Variants in RSPH3 observed in about 807,000 individuals in gnomAD.
RSPH3 encodes radial spoke head protein 3 homolog.
A neutral mutation model predicts 43.8 loss-of-function variants in RSPH3; 21 were observed. The observed-to-expected ratio is 0.48, with a 90% CI of 0.34 to 0.69. RSPH3 has a LOEUF of 0.69. Ranked by LOEUF, RSPH3 falls within the 30% of genes least tolerant of loss-of-function variation. RSPH3 has a pLI of 0.01. For missense variants in RSPH3, 487 were observed against 516.0 expected (o/e 0.94, Z 0.54); for synonymous variants, 173 against 179.8 (o/e 0.96, Z 0.30).
downstream of RSPH3, among the ~76,000 whole-genome samples, chr6:158,968,891 A>G (rs1562553286): frequency 6.6e-6 from 1 of 151,888 alleles, no homozygotes; most frequent in Non-Finnish European, 1.5e-5. Flanking sequence ...TTTGTACTTT[A>G]GTAGAGACAG....
chr6:158,970,221 T>A (rs902063593), downstream of RSPH3, among the ~76,000 whole-genome samples: 1 of 152,180 alleles, frequency 6.6e-6, no homozygotes, highest in African/African-American at 2.4e-5. Context: ...TCTGGAAAAA[T>A]TTTGTAAAAT....
chr6:158,994,587 G>A (rs1465582098), intron 1 of RSPH3, among the ~76,000 whole-genome samples: 1 of 152,116 alleles, frequency 6.6e-6, no homozygotes, highest in Non-Finnish European at 1.5e-5. Context: ...GGAGGCAGAG[G>A]TTGCTGTGAG....
intron 5 of RSPH3, 52 bp from the exon 6 acceptor site, chr6:158,980,988 C>A: frequency 6.4e-7 from 1 of 1,573,848 alleles, no homozygotes; most frequent in Non-Finnish European, 8.7e-7. Context: ...TCCCCAAGTG[C>A]TGAATCTAGT....
intron 4 of RSPH3, 116 bp from the exon 5 acceptor site, chr6:158,982,804 G>A (rs754977550): frequency 7.3e-6 from 5 of 686,380 alleles, no homozygotes; most frequent in Non-Finnish European, 1.2e-5. Context: ...CTGTGTGCCA[G>A]ACACTGTGCT....
downstream of RSPH3, among the ~76,000 whole-genome samples, chr6:158,972,120 A>G (rs930092935): frequency 6.6e-6 from 1 of 152,314 alleles, no homozygotes; most frequent in Non-Finnish European, 1.5e-5. Context: ...ATTATGACCA[A>G]TAAGCAAAGG....
intron 3 of RSPH3, 118 bp from the exon 4 acceptor site, chr6:158,983,925 G>C: frequency 1.5e-6 from 1 of 682,294 alleles, no homozygotes; most frequent in Non-Finnish European, 2.5e-6. Context: ...CTTGAAGCCA[G>C]GAGTTTGAGA....
chr6:158,990,587 G>C (rs1276525342), intron 2 of RSPH3: 1 of 152,024 alleles, frequency 6.6e-6, no homozygotes, highest in Non-Finnish European at 1.5e-5. Context: ...GAAATCCACT[G>C]CCATTTAAAT....
At chr6:158,965,927 C>T in the RSPH3 span, among the ~76,000 whole-genome samples, 1 of 152,062 alleles carries the variant, frequency 6.6e-6, no homozygotes, top group Non-Finnish European at 1.5e-5. Context: ...AAGTTTCTGT[C>T]TGTTCCTAAT....
At chr6:158,963,796 T>C in the RSPH3 span, among the ~76,000 whole-genome samples, 4 of 152,030 alleles carry the variant, frequency 2.6e-5, no homozygotes, top group Admixed American at 6.6e-5. Flanking sequence ...CTCACTCTGT[T>C]GTCCAGGCTG....
In RSPH3 at chr6:158,974,990, G is replaced by A. The variant is rs12664939; in HGVS notation, c.*2548C>T. On this transcript the variant is annotated 3_prime_UTR_variant, in exon 8 of 8. Transcript: ENST00000367069. ...TGAGTAGCTGGGACTACAGGTGCCCGCCACCACGCCTGACTAATTTTTGTA... is the reference window on the plus strand; with the variant it reads ...TGAGTAGCTGGGACTACAGGTGCCCACCACCACGCCTGACTAATTTTTGTA... 17,371 of 152,042 alleles carry A rather than the reference G, an allele frequency of 0.11. 1,721 individuals carry two copies. Among genetic ancestry groups the A allele is most frequent in the East Asian group, 0.41 (2,128 of 5,144 alleles). The allele number at this position is 152,042 out of a possible 1,614,324, so 9.4% of individuals were successfully genotyped here. A position where few individuals can be genotyped will look rare whatever the true frequency, so the allele number is the denominator to read the frequency against.
rs1778244443 is a variant in RSPH3, at chr6:158,986,544, C to CA, written c.205-124dup. 3 of 719,200 alleles carry CA rather than the reference C, an allele frequency of 4.2e-6. No individual in the cohort carries two copies. In the Admixed American group the frequency reaches 9.1e-5, roughly 22 times the overall value. 44.6% of individuals were successfully genotyped at this position (719,200 alleles called of 1,614,324 possible). A position where few individuals can be genotyped will look rare whatever the true frequency, so the allele number is the denominator to read the frequency against. ...ATTTGTCATAATGTTTCTTGATTAT[C>CA]AGTAACTTCATTAAAATTGTATTGG... is the stretch of plus-strand genomic sequence containing the variant. On this transcript the variant is annotated intron_variant, in intron 2 of 7. Coordinates refer to ENST00000367069, the MANE Select transcript of RSPH3 (RefSeq NM_031924.8).
chr6:158,992,646 G>A (rs1200197888), intron 2 of RSPH3, among the ~76,000 whole-genome samples: 1 of 152,076 alleles, frequency 6.6e-6, no homozygotes, highest in African/African-American at 2.4e-5. Flanking sequence ...GGCAGGTTTG[G>A]TGTTTTAAAT....
In RSPH3 at chr6:158,999,639, T is replaced by C. The variant is rs749283915; in HGVS notation, c.-89A>G. 8.1e-6 allele frequency: 13 copies of C among 1,613,698 alleles called. No individual in the cohort carries two copies. In the South Asian group the frequency reaches 8.8e-5, roughly 11 times the overall value. ...GTTGTGGGACCCGGAGAGATGTAAG[T>C]AGTGCCAAGGGCAAGGATTCCGCGA... On this transcript the variant is annotated 5_prime_UTR_variant, in exon 1 of 8. Transcript: ENST00000367069.
rs142849861 is a variant in RSPH3, at chr6:158,987,206, G to A, written c.205-785C>T. Among the ~76,000 whole-genome samples the A allele has an allele frequency of 3.2e-3, 494 of 152,258 alleles. 2 individuals carry two copies. The highest frequency in any genetic ancestry group is 0.011 in the African/African-American group (463 of 41,566). On this transcript the variant is annotated intron_variant, in intron 2 of 7. Transcript: ENST00000367069. ...CATTGTTACATCCTCTGGCTGAATT[G>A]ATCACTTTATTATTACAGAGTGACT...
intron 1 of RSPH3, among the ~76,000 whole-genome samples, chr6:158,998,297 CAAAAAAA>C (rs71297000): frequency 1.9e-5 from 1 of 53,922 alleles, no homozygotes; most frequent in African/African-American, 6.5e-5. Context: ...TAAAAAAATA[CAAAAAAA>C]AAAAAAAAAA....
At chr6:158,987,276 G>A (rs1474524563) in intron 2 of RSPH3, among the ~76,000 whole-genome samples, 1 of 152,136 alleles carries the variant, frequency 6.6e-6, no homozygotes. Context: ...TCTGATGTAA[G>A]TATACTCATG....
At chr6:158,984,449 T>C (rs1364908345) in intron 3 of RSPH3, among the ~76,000 whole-genome samples, 1 of 123,776 alleles carries the variant, frequency 8.1e-6, no homozygotes, top group African/African-American at 3.1e-5. Context: ...TATATATATA[T>C]ATATATATAT....
At chr6:158,996,141 A>T (rs1053294777) in intron 1 of RSPH3, among the ~76,000 whole-genome samples, 1 of 152,150 alleles carries the variant, frequency 6.6e-6, no homozygotes, top group East Asian at 1.9e-4. Flanking sequence ...AAATAAAAAT[A>T]AAAAAAAGGT....
rs1316255023 is a variant in RSPH3 at position 158,973,733 on chromosome 6, A to T, written c.*3805T>A. 6.6e-6 allele frequency: 1 copy of T among 152,204 alleles called. No homozygotes were observed. Among genetic ancestry groups the T allele is most frequent in the African/African-American group, 2.4e-5 (1 of 41,454 alleles). 9.4% of individuals were successfully genotyped at this position (152,204 alleles called of 1,614,324 possible). A position where few individuals can be genotyped will look rare whatever the true frequency, so the allele number is the denominator to read the frequency against. ...ACGCTCATAGCCCTCAGATGGCTTA[A>T]ATGTAATGATGCCTATGCTAGAGAA... On this transcript the variant is annotated 3_prime_UTR_variant, in exon 8 of 8. Coordinates refer to ENST00000367069, the MANE Select transcript of RSPH3 (RefSeq NM_031924.8).
Sources: gnomAD v4.1 joint callset for allele counts (sites outside exome capture counted in the v4.1 genomes callset) on GRCh38, gnomAD v4.1.1 for gene constraint, MANE v1.5 for transcripts, NCBI Gene and HGNC (gene_info 2026-07-23, HGNC 2026-07-21) for gene names.